RASIP1: variants seen among roughly 807,000 people sequenced by gnomAD.
RASIP1 encodes the protein Ras interacting protein 1, also known as ras-interacting protein 1.
In RASIP1, 20 loss-of-function variants were observed where a neutral mutation model predicts 85.3. The observed-to-expected ratio is 0.23, with a 90% confidence interval of 0.17 to 0.34. The LOEUF is 0.34. RASIP1 is among the 10% of genes least tolerant of loss of function. The probability of loss-of-function intolerance (pLI) is 1.00; values close to 1 mark genes in which losing one functional copy is unlikely to be tolerated. For missense variants in RASIP1, 1,170 were observed against 1,390.9 expected, an observed-to-expected ratio of 0.84 and a Z score of 2.53; for synonymous variants, 617 against 647.1, an observed-to-expected ratio of 0.95 and a Z score of 0.71.
rs372040193 is a variant in RASIP1 at position 48,720,992 on chromosome 19, T to C, written c.2698A>G (p.Ile900Val). Reference protein sequence around the residue: ...AEREAVDTGDIFESFSSHPPL... With the variant: ...AEREAVDTGDVFESFSSHPPL... ...GGGTGCGAGGAGAAGCTTTCGAAGA[T>C]GTCCCCTGTGAGGCCGAAGGCGGCG... is the stretch of plus-strand genomic sequence containing the variant. The change falls in exon 12 of 12, where the codon ATC (isoleucine) becomes GTC (valine). Residue 900 changes from isoleucine to valine, a missense_variant. Ile to Val is a conservative substitution (Grantham distance 29). Coordinates refer to ENST00000222145, the MANE Select transcript of RASIP1 (RefSeq NM_017805.3). The C allele has an allele frequency of 1.8e-5, 29 of 1,600,080 alleles. No homozygotes were observed. Among genetic ancestry groups the C allele is most frequent in the Non-Finnish European group, 2.4e-5 (28 of 1,174,094 alleles).
At chr19:48,729,707 T>TTA in intron 4 of RASIP1, 117 bp from the exon 5 acceptor site, 2 of 548,356 alleles carry the variant, frequency 3.6e-6, no homozygotes, top group African/African-American at 2.2e-5. Flanking sequence ...TTCCTTCTTC[T>TTA]TCTTTTTTTT....
chr19:48,727,434 T>C lies in RASIP1; in HGVS notation c.1834-4A>G, dbSNP rs199812040. 7.1e-5 allele frequency: 115 copies of C among 1,613,592 alleles called. No homozygotes were observed. The highest frequency in any genetic ancestry group is 4.2e-6 in the Non-Finnish European group (5 of 1,179,506). On this transcript the variant is annotated splice_polypyrimidine_tract_variant and splice_region_variant and intron_variant, in intron 5 of 11. Transcript: ENST00000222145. ...CTCCAATTTCCTTAATCTTTTCCTG[T>C]GGAACAGTAAGATCAGAATCAAGGT...
Position 48,740,322 on chromosome 19 carries a change from C to A in RASIP1, c.-4-36G>T. ...GCGGGTAAGGCCCCAACTCCTAAGGCATTCTTGTGGGGATGGGGTGGAGGG... is the reference window on the plus strand; with the variant it reads ...GCGGGTAAGGCCCCAACTCCTAAGGAATTCTTGTGGGGATGGGGTGGAGGG... On this transcript the variant is annotated intron_variant, in intron 1 of 11. Coordinates refer to ENST00000222145, the MANE Select transcript of RASIP1 (RefSeq NM_017805.3). This position sits in a 1 kb window ranked among gnomAD's most constrained non-coding sequence, Gnocchi z 5.5. The A allele has an allele frequency of 6.5e-7, 1 of 1,545,694 alleles. No homozygotes were observed. Among genetic ancestry groups the A allele is most frequent in the Admixed American group, 2.2e-5 (1 of 46,060 alleles).
In RASIP1 at chr19:48,724,550, ACT is replaced by A. The variant is rs1490291029; in HGVS notation, c.2372-43_2372-42del. On this transcript the variant is annotated intron_variant, in intron 9 of 11. Coordinates refer to ENST00000222145, the MANE Select transcript of RASIP1 (RefSeq NM_017805.3). This position sits in a 1 kb window ranked among gnomAD's most constrained non-coding sequence, Gnocchi z 4.6. ...GTATGAGAGGCAGTTGGTTGGCTGG[ACT>A]CTGTGCTCCTGCCTCCCAGACTCTT... 3 of 1,596,380 alleles carry A rather than the reference ACT, an allele frequency of 1.9e-6. No homozygotes were observed. The highest frequency in any genetic ancestry group is 2.6e-6 in the Non-Finnish European group (3 of 1,167,684).
chr19:48,736,693 G>A (rs1377434179), intron 3 of RASIP1, among the ~76,000 whole-genome samples: 2 of 152,144 alleles, frequency 1.3e-5, no homozygotes, highest in Non-Finnish European at 2.9e-5. Flanking sequence ...TGGGAGGGTG[G>A]AAACCTCATC....
chr19:48,730,229 G>A (rs375099249), intron 4 of RASIP1, among the ~76,000 whole-genome samples: 1 of 151,804 alleles, frequency 6.6e-6, no homozygotes, highest in East Asian at 1.9e-4. Flanking sequence ...GCAGTGGCAC[G>A]ATCTCGGCTC....
In RASIP1 at chr19:48,729,601, A is replaced by C; in HGVS notation, c.1180-11T>G. On this transcript the variant is annotated splice_polypyrimidine_tract_variant and intron_variant, in intron 4 of 11. Transcript: ENST00000222145. ...ATACACCACAAAGTCCTGGAGGGGA[A>C]ACGAGGATGCACTAAGGACATCACT... 1.3e-6 allele frequency: 2 copies of C among 1,581,978 alleles called. No individual in the cohort carries two copies. Among genetic ancestry groups the C allele is most frequent in the Non-Finnish European group, 1.7e-6 (2 of 1,163,848 alleles).
At chr19:48,729,634 A>G in intron 4 of RASIP1, 44 bp from the exon 5 acceptor site, 6 of 1,518,862 alleles carry the variant, frequency 4.0e-6, no homozygotes, top group Non-Finnish European at 5.4e-6. Flanking sequence ...ACTTCAATCC[A>G]TATCTTCAGA....
chr19:48,739,697 G>T lies in RASIP1; in HGVS notation c.138-52C>A. The T allele has an allele frequency of 3.1e-6, 4 of 1,287,560 alleles. No individual in the cohort carries two copies. The highest frequency in any genetic ancestry group is 3.9e-6 in the Non-Finnish European group (4 of 1,014,460). 79.8% of individuals were successfully genotyped at this position (1,287,560 alleles called of 1,614,324 possible). On this transcript the variant is annotated intron_variant, in intron 2 of 11. Transcript: ENST00000222145. The surrounding 1 kb of genome is among the most constrained non-coding windows in gnomAD (Gnocchi z 9.2). ...GCGGGAGAGAGACCCAGGACGACAC[G>T]CCAAGACGGGGGTGGGGGCATATTA...
Position 48,739,478 on chromosome 19 carries a change from C to T in RASIP1, c.305G>A (p.Gly102Glu). 3 of 1,490,916 alleles carry T rather than the reference C, an allele frequency of 2.0e-6. No homozygotes were observed. Among genetic ancestry groups the T allele is most frequent in the African/African-American group, 1.5e-5 (1 of 68,892 alleles). The allele number at this position is 1,490,916 out of a possible 1,614,324, so 92.4% of individuals were successfully genotyped here. The stretch of plus-strand genomic sequence containing the variant: ...CCCAGGGCCTCCTGCGCCGCTGGAC[C>T]CCGTGGTCCCGGTCCCCGAGCCCCG... ...LFRGSGTGTTGSSGAGGPGTP... is the reference protein window; with the variant it reads ...LFRGSGTGTTESSGAGGPGTP... Residue 102 changes from glycine (G) to glutamate (E), a missense_variant, in exon 3 of 12, where the codon GGG (glycine) becomes GAG (glutamate). By Grantham distance (98) the Gly-to-Glu change is moderately conservative. Transcript: ENST00000222145. The surrounding 1 kb of genome is among the most constrained non-coding windows in gnomAD (Gnocchi z 9.2).
chr19:48,729,199 C>T lies in RASIP1; in HGVS notation c.1571G>A (p.Gly524Asp). Reference protein sequence around the residue: ...PGWAFSCRLCGRGLQERGEAL... With the variant: ...PGWAFSCRLCDRGLQERGEAL... Reference sequence around the variant, plus strand: ...CTCGCCGCGCTCCTGCAGGCCGCGGCCGCACAGGCGACAGGAGAAGGCCCA... The same window carrying T: ...CTCGCCGCGCTCCTGCAGGCCGCGGTCGCACAGGCGACAGGAGAAGGCCCA... The change falls in exon 5 of 12, where the codon GGC becomes GAC. Residue 524 changes from glycine to aspartate, a missense_variant. By Grantham distance (94) the Gly-to-Asp change is moderately conservative. This residue lies in a region of RASIP1 where 426 missense variants were observed against 576.2 expected (regional missense o/e 0.74). Transcript: ENST00000222145. 1.5e-6 allele frequency: 2 copies of T among 1,309,220 alleles called. No homozygotes were observed. Among genetic ancestry groups the T allele is most frequent in the Non-Finnish European group, 1.9e-6 (2 of 1,028,128 alleles). 81.1% of individuals were successfully genotyped at this position (1,309,220 alleles called of 1,614,324 possible).
Position 48,729,020 on chromosome 19 carries a change from G to T in RASIP1, c.1750C>A (p.Gln584Lys). 7.0e-7 allele frequency: 1 copy of T among 1,437,972 alleles called. No homozygotes were observed. Among genetic ancestry groups the T allele is most frequent in the Non-Finnish European group, 9.1e-7 (1 of 1,104,466 alleles). 89.1% of individuals were successfully genotyped at this position (1,437,972 alleles called of 1,614,324 possible). A position where few individuals can be genotyped will look rare whatever the true frequency, so the allele number is the denominator to read the frequency against. ...AGCTCCAGCTCACGGGCGGAATGCT[G>T]CACGCACAGCGCCAGCAGCGTGGCG... is the stretch of plus-strand genomic sequence containing the variant. ...GPATLLALCV[Q>K]HSARELELGH... The change falls in exon 5 of 12, where the codon CAG becomes AAG. Residue 584 changes from glutamine to lysine, a missense_variant. By Grantham distance (53) the Gln-to-Lys change is moderately conservative. Around this residue, in one of 4 missense-constraint regions of RASIP1, gnomAD observed 426 missense variants for 576.2 expected, o/e 0.74. Transcript: ENST00000222145.
intron 3 of RASIP1, among the ~76,000 whole-genome samples, chr19:48,736,243 G>A (rs1472129210): frequency 6.6e-6 from 1 of 151,564 alleles, no homozygotes; most frequent in Non-Finnish European, 1.5e-5. Context: ...GTGAAACCCC[G>A]TCTCTACTAA....
chr19:48,736,938 G>A (rs537831634), intron 3 of RASIP1, among the ~76,000 whole-genome samples: 1 of 152,292 alleles, frequency 6.6e-6, no homozygotes, highest in East Asian at 1.9e-4. Context: ...TCGGGAGGCT[G>A]AGGCAGGAGA....
intron 10 of RASIP1, 41 bp from the exon 11 acceptor site, chr19:48,722,042 G>A (rs774089899): frequency 1.5e-6 from 2 of 1,356,452 alleles, no homozygotes; most frequent in Admixed American, 2.7e-5. Flanking sequence ...GTCATTACGG[G>A]GCAGTTAAGA....
At chr19:48,734,474 C>T (rs1403007661) in intron 4 of RASIP1, among the ~76,000 whole-genome samples, 3 of 131,354 alleles carry the variant, frequency 2.3e-5, no homozygotes, top group African/African-American at 5.3e-5. Context: ...CCACCACGCC[C>T]GGCTTTTTTT....
At chr19:48,725,199 A>G (rs2033322262) in intron 8 of RASIP1, 2 of 492,574 alleles carry the variant, frequency 4.1e-6, no homozygotes, top group Non-Finnish European at 7.3e-6. Flanking sequence ...AGTTCTCAGC[A>G]GAGACAGCTC....
intron 10 of RASIP1, among the ~76,000 whole-genome samples, chr19:48,723,559 CAAAA>C (rs56200310): frequency 1.3e-5 from 1 of 77,300 alleles, no homozygotes; most frequent in Non-Finnish European, 2.6e-5. Flanking sequence ...GACTCCGTCT[CAAAA>C]AAAAAAAAAA....
At chr19:48,730,019 A>C (rs2033424022) in intron 4 of RASIP1, among the ~76,000 whole-genome samples, 1 of 151,832 alleles carries the variant, frequency 6.6e-6, no homozygotes, top group Non-Finnish European at 1.5e-5. Flanking sequence ...CCGGCCCCCC[A>C]CCGACTTTGA....
Sources: gnomAD v4.1 joint callset for allele counts (sites outside exome capture counted in the v4.1 genomes callset) on GRCh38, gnomAD v4.1.1 for gene constraint, gnomAD v4.1.1 regional missense constraint, Gnocchi (gnomAD v3.1) non-coding constraint, MANE v1.5 for transcripts, NCBI Gene and HGNC (gene_info 2026-07-23, HGNC 2026-07-21) for gene names.